RBFOX3: variants seen among roughly 807,000 people sequenced by gnomAD.
The protein encoded by RBFOX3 is RNA binding fox-1 homolog 3.
RBFOX3 carries 17 observed loss-of-function variants against 48.7 expected under a neutral mutation model. That is an observed-to-expected ratio of 0.35 (90% confidence interval 0.24 to 0.52). The LOEUF is 0.52. Among genes scored for constraint, RBFOX3 ranks in the 20% least tolerant of loss-of-function variants. The probability of loss-of-function intolerance (pLI) is 0.94; values close to 1 mark genes in which losing one functional copy is unlikely to be tolerated. For synonymous variants in RBFOX3, 212 were observed against 209.5 expected, an observed-to-expected ratio of 1.01 and a Z score of -0.10; for missense variants, 382 against 497.5, an observed-to-expected ratio of 0.77 and a Z score of 2.21.
chr17:79,442,725 C>T (rs1278631346), intron 2 of RBFOX3, among the ~76,000 whole-genome samples: 1 of 151,944 alleles, frequency 6.6e-6, no homozygotes, highest in Non-Finnish European at 1.5e-5. Context: ...TTAATAATTG[C>T]CAGAGGAAGC....
In RBFOX3 at chr17:79,535,677, G is replaced by C. The variant is rs2088599601; in HGVS notation, c.-319-53079C>G. Among the ~76,000 whole-genome samples the C allele has an allele frequency of 6.6e-6, 1 of 152,212 alleles. No homozygotes were observed. The highest frequency in any genetic ancestry group is 2.1e-4 in the South Asian group (1 of 4,826). On this transcript the variant is annotated intron_variant, in intron 1 of 14. Transcript: ENST00000693108. The surrounding 1 kb of genome is among the most constrained non-coding windows in gnomAD (Gnocchi z 4.5). Reference sequence around the variant, plus strand: ...CACAAAGACACAGTATGCGCAGCCAGGCAAGGTTGCCTGTGTTGGGGACAG... The same window carrying C: ...CACAAAGACACAGTATGCGCAGCCACGCAAGGTTGCCTGTGTTGGGGACAG...
At chr17:79,437,344 G>A (rs1555731775) in intron 2 of RBFOX3, among the ~76,000 whole-genome samples, 1 of 152,180 alleles carries the variant, frequency 6.6e-6, no homozygotes, top group Non-Finnish European at 1.5e-5. Context: ...CTGCCCACCC[G>A]CTCCTCCTGG....
intron 2 of RBFOX3, among the ~76,000 whole-genome samples, chr17:79,468,048 G>A (rs62062814): frequency 0.036 from 5,438 of 152,114 alleles, 130 homozygotes; most frequent in South Asian, 0.063. Context: ...TTTACTGTCC[G>A]CATTGTTTGG....
intron 2 of RBFOX3, among the ~76,000 whole-genome samples, chr17:79,440,409 C>T (rs533614257): frequency 1.8e-4 from 28 of 152,252 alleles, no homozygotes; most frequent in Middle Eastern, 3.4e-3. Context: ...GCCCGAGTGA[C>T]TTGCCTGATC....
chr17:79,528,440 T>C (rs1163345165), intron 1 of RBFOX3, among the ~76,000 whole-genome samples: 1 of 151,626 alleles, frequency 6.6e-6, no homozygotes, highest in Non-Finnish European at 1.5e-5. Flanking sequence ...AGGAGGATCT[T>C]AGTTGAACCT....
At chr17:79,483,958 G>C (rs1219797753) in intron 1 of RBFOX3, among the ~76,000 whole-genome samples, 1 of 151,204 alleles carries the variant, frequency 6.6e-6, no homozygotes, top group African/African-American at 2.4e-5. Context: ...CCAAGCCTGG[G>C]AAGTCTTGTT....
At chr17:79,102,148 C>T (rs1001119202) in intron 8 of RBFOX3, among the ~76,000 whole-genome samples, 1 of 152,218 alleles carries the variant, frequency 6.6e-6, no homozygotes, top group African/African-American at 2.4e-5. Flanking sequence ...GCCCGTGTGC[C>T]CCTGGAGGAC....
At position 79,199,253 on chromosome 17, in the gene RBFOX3, C is replaced by T. The variant is rs144339144; in HGVS notation, c.-34+36513G>A. On this transcript the variant is annotated intron_variant, in intron 4 of 14. Transcript: ENST00000693108. The surrounding 1 kb of genome is among the most constrained non-coding windows in gnomAD (Gnocchi z 5.1). ...CGAAAAGACCTCCCTAGCCCCCCAC[C>T]CTCGGCAGCACCACCCACCAGCCCC... Among the ~76,000 whole-genome samples, 8 of 152,270 alleles carry T rather than the reference C, an allele frequency of 5.3e-5. No individual in the cohort carries two copies. The highest frequency in any genetic ancestry group is 8.8e-5 in the Non-Finnish European group (6 of 68,020).
chr17:79,651,238 C>A, the RBFOX3 span, among the ~76,000 whole-genome samples: 18 of 152,202 alleles, frequency 1.2e-4, no homozygotes, highest in Non-Finnish European at 4.4e-5. Flanking sequence ...AGCCTTGGCT[C>A]AGGGTTGGCT....
chr17:79,221,961 G>A (rs978161639), intron 4 of RBFOX3, among the ~76,000 whole-genome samples: 1 of 152,160 alleles, frequency 6.6e-6, no homozygotes, highest in African/African-American at 2.4e-5. Flanking sequence ...TGCTCATGTT[G>A]CAAGCTCTAG....
At chr17:79,152,029 GA>G in intron 4 of RBFOX3, among the ~76,000 whole-genome samples, 1 of 152,064 alleles carries the variant, frequency 6.6e-6, no homozygotes, top group South Asian at 2.1e-4. Context: ...AAGAAATGGG[GA>G]AGCAGGAGGG....
At chr17:79,580,419 C>G (rs942265367) in intron 1 of RBFOX3, among the ~76,000 whole-genome samples, 32 of 152,054 alleles carry the variant, frequency 2.1e-4, no homozygotes, top group Non-Finnish European at 4.1e-4. Context: ...CCACAGCCCC[C>G]CAGCCAGACA....
chr17:79,545,392 G>T (rs537111375), intron 1 of RBFOX3, among the ~76,000 whole-genome samples: 67 of 152,318 alleles, frequency 4.4e-4, no homozygotes, highest in African/African-American at 1.5e-3. Flanking sequence ...GGGAAGAAGA[G>T]AAAACAGCCT....
chr17:79,477,298 T>C lies in RBFOX3; in HGVS notation c.-175+5156A>G, dbSNP rs1598864365. On this transcript the variant is annotated intron_variant, in intron 2 of 14. Transcript: ENST00000693108. The surrounding 1 kb of genome is among the most constrained non-coding windows in gnomAD (Gnocchi z 4.8). ...AAAAGAGGGCGCGGTGGCTCACACC[T>C]GTAATCCCAGCACTTTGGGAGGCCA... Among the ~76,000 whole-genome samples the C allele has an allele frequency of 1.4e-5, 2 of 146,790 alleles. No homozygotes were observed. Among genetic ancestry groups the C allele is most frequent in the African/African-American group, 5.0e-5 (2 of 39,818 alleles).
At chr17:79,652,503 A>G in the RBFOX3 span, among the ~76,000 whole-genome samples, 1 of 147,752 alleles carries the variant, frequency 6.8e-6, no homozygotes, top group East Asian at 2.0e-4. Context: ...AGAAGAAAGG[A>G]AAGGAAAAGG....
chr17:79,477,536 A>G lies in RBFOX3; in HGVS notation c.-175+4918T>C, dbSNP rs1400274761. ...GCCCCATCGCACTCCAGCCTGGGCG[A>G]CAGAGCGAAACTCCGTCACCGGAAA... On this transcript the variant is annotated intron_variant, in intron 2 of 14. Transcript: ENST00000693108. This position sits in a 1 kb window ranked among gnomAD's most constrained non-coding sequence, Gnocchi z 4.8. Among the ~76,000 whole-genome samples, 1 of 151,254 alleles carries G rather than the reference A, an allele frequency of 6.6e-6. No homozygotes were observed. The highest frequency in any genetic ancestry group is 1.5e-5 in the Non-Finnish European group (1 of 67,920).
intron 4 of RBFOX3, among the ~76,000 whole-genome samples, chr17:79,129,968 G>A (rs1375588659): frequency 2.6e-5 from 4 of 152,138 alleles, no homozygotes; most frequent in African/African-American, 9.7e-5. Context: ...GTGAGCAAAT[G>A]GGAGCTCTGC....
At chr17:79,444,804 T>C (rs1000450129) in intron 2 of RBFOX3, among the ~76,000 whole-genome samples, 5 of 152,118 alleles carry the variant, frequency 3.3e-5, no homozygotes, top group Non-Finnish European at 7.4e-5. Flanking sequence ...TAGTCAGTTA[T>C]ATATATGCAA....
At chr17:79,659,519 C>T in the RBFOX3 span, among the ~76,000 whole-genome samples, 6 of 151,450 alleles carry the variant, frequency 4.0e-5, no homozygotes, top group South Asian at 6.3e-4. Context: ...AGGTGGGGAG[C>T]GAGAGTGGGA....
Sources: allele counts gnomAD v4.1 joint callset (sites outside exome capture counted in the v4.1 genomes callset), GRCh38; gene constraint gnomAD v4.1.1; non-coding constraint Gnocchi (gnomAD v3.1); transcripts MANE v1.5; gene names NCBI Gene and HGNC (gene_info 2026-07-23, HGNC 2026-07-21).